The following LUZP2 variants were observed in gnomAD, a reference collection of about 807,000 sequenced individuals.
LUZP2 encodes leucine zipper protein 2.
In LUZP2, 52 loss-of-function variants were observed where a neutral mutation model predicts 51.6. The ratio of observed to expected loss-of-function variants is 1.01; its 90% CI spans 0.81 to 1.27. The LOEUF is 1.27. Among genes scored for constraint, LUZP2 ranks in the 50% most tolerant of loss-of-function variants. LUZP2 has a pLI of 0.00. For missense variants in LUZP2, 436 were observed against 395.4 expected (o/e 1.10, Z -0.87); for synonymous variants, 154 against 137.3 (o/e 1.12, Z -0.85).
intron 5 of LUZP2, among the ~76,000 whole-genome samples, chr11:24,859,433 T>C (rs1036576380): frequency 2.0e-5 from 3 of 152,200 alleles, no homozygotes; most frequent in Admixed American, 2.0e-4. Context: ...ATGTAAGACC[T>C]AAAACTATAC....
At chr11:24,638,994 A>G (rs1214812422) in intron 1 of LUZP2, among the ~76,000 whole-genome samples, 4 of 151,648 alleles carry the variant, frequency 2.6e-5, no homozygotes, top group Non-Finnish European at 5.9e-5. Context: ...AAAGAGAGAA[A>G]ATGTTCAAAA....
chr11:24,996,026 T>A (rs185453283), intron 9 of LUZP2, among the ~76,000 whole-genome samples: 19 of 148,798 alleles, frequency 1.3e-4, no homozygotes, highest in African/African-American at 4.1e-4. Flanking sequence ...GTTCTAATTA[T>A]TTTTATATAT....
rs1020778189 is a variant in LUZP2, at chr11:24,990,449, C to T, written c.765+7156C>T. ...TTAGATTTTGAACATAATCTTGTCTCACTGATGGGGAAAATATATGACTAA... is the reference window on the plus strand; with the variant it reads ...TTAGATTTTGAACATAATCTTGTCTTACTGATGGGGAAAATATATGACTAA... On this transcript the variant is annotated intron_variant, in intron 9 of 11. Transcript: ENST00000336930. 2.0e-5 allele frequency among the ~76,000 whole-genome samples: 3 copies of T among 152,074 alleles called. No homozygotes were observed. The East Asian group carries it at 5.8e-4, about 29-fold the overall frequency.
chr11:24,756,515 A>G (rs1279763816), intron 4 of LUZP2, among the ~76,000 whole-genome samples: 3 of 152,202 alleles, frequency 2.0e-5, no homozygotes, highest in African/African-American at 7.2e-5. Flanking sequence ...GTGGCCACCC[A>G]GGAATCAAAG....
intron 5 of LUZP2, among the ~76,000 whole-genome samples, chr11:24,788,405 G>A (rs1445699327): frequency 6.6e-6 from 1 of 151,572 alleles, no homozygotes; most frequent in Admixed American, 6.6e-5. Flanking sequence ...GGCCTGGCTG[G>A]TCTTGAACTC....
intron 1 of LUZP2, among the ~76,000 whole-genome samples, chr11:24,718,538 T>G (rs1475328686): frequency 1.3e-5 from 2 of 152,212 alleles, no homozygotes; most frequent in African/African-American, 4.8e-5. Flanking sequence ...CATTATCGCA[T>G]TTTTGGAGAC....
chr11:24,752,672 T>C (rs1298114598), intron 4 of LUZP2, among the ~76,000 whole-genome samples: 3 of 125,606 alleles, frequency 2.4e-5, no homozygotes, highest in Non-Finnish European at 3.3e-5. Flanking sequence ...AGAACAAAAT[T>C]AGAATGTGTA....
At chr11:24,700,143 C>A (rs999828553) in intron 1 of LUZP2, among the ~76,000 whole-genome samples, 32 of 145,712 alleles carry the variant, frequency 2.2e-4, no homozygotes, top group African/African-American at 8.1e-4. Context: ...CTCACTGCAA[C>A]CTCTGCCTCC....
intron 5 of LUZP2, among the ~76,000 whole-genome samples, chr11:24,810,242 T>C (rs1849979479): frequency 6.6e-6 from 1 of 152,172 alleles, no homozygotes; most frequent in Admixed American, 6.5e-5. Context: ...CACACACAGG[T>C]AAATTTTATA....
At chr11:24,963,424 C>T (rs980280408) in intron 7 of LUZP2, among the ~76,000 whole-genome samples, 56 of 152,300 alleles carry the variant, frequency 3.7e-4, no homozygotes, top group Admixed American at 1.8e-3. Flanking sequence ...CCACCCAGTT[C>T]GAGCTTCCCG....
At chr11:24,632,470 G>A (rs1405156184) in intron 1 of LUZP2, among the ~76,000 whole-genome samples, 1 of 151,974 alleles carries the variant, frequency 6.6e-6, no homozygotes, top group Non-Finnish European at 1.5e-5. Flanking sequence ...ATTACAATCA[G>A]TGCACTGCAA....
At chr11:24,757,216 C>A (rs914746351) in intron 4 of LUZP2, among the ~76,000 whole-genome samples, 1 of 151,910 alleles carries the variant, frequency 6.6e-6, no homozygotes, top group South Asian at 2.1e-4. Context: ...TATTTCTTTA[C>A]CACACCCAGT....
chr11:25,002,589 C>A (rs1214811981), intron 9 of LUZP2, among the ~76,000 whole-genome samples: 2 of 152,110 alleles, frequency 1.3e-5, no homozygotes, highest in East Asian at 1.9e-4. Flanking sequence ...ATTTTGGTAG[C>A]CTCTGACACT....
chr11:24,718,760 T>A lies in LUZP2; in HGVS notation c.63-10409T>A, dbSNP rs563474084. Among the ~76,000 whole-genome samples the A allele has an allele frequency of 2.6e-5, 4 of 152,282 alleles. No individual in the cohort carries two copies. The East Asian group carries it at 7.7e-4, about 29-fold the overall frequency. ...AATACAGAAAACCTTGACAGAAGACTAAGGATTGAAGAGACTGACTTGATG... is the reference window on the plus strand; with the variant it reads ...AATACAGAAAACCTTGACAGAAGACAAAGGATTGAAGAGACTGACTTGATG... On this transcript the variant is annotated intron_variant, in intron 1 of 11. Coordinates refer to ENST00000336930, the MANE Select transcript of LUZP2 (RefSeq NM_001009909.4).
At chr11:25,076,640 A>G (rs1859309639) in intron 10 of LUZP2, among the ~76,000 whole-genome samples, 1 of 140,314 alleles carries the variant, frequency 7.1e-6, no homozygotes, top group African/African-American at 2.7e-5. Flanking sequence ...GGAAGGGAAA[A>G]AGAGGGAAGG....
chr11:24,694,221 C>A (rs112520508), intron 1 of LUZP2, among the ~76,000 whole-genome samples: 2 of 151,976 alleles, frequency 1.3e-5, no homozygotes, highest in Non-Finnish European at 2.9e-5. Context: ...CCATGTAGAT[C>A]TCTTTGATAT....
At chr11:24,595,986 G>A (rs1321091888) in intron 1 of LUZP2, among the ~76,000 whole-genome samples, 1 of 152,164 alleles carries the variant, frequency 6.6e-6, no homozygotes, top group African/African-American at 2.4e-5. Context: ...CAAGTTCCAT[G>A]TGCATATGGA....
In LUZP2 at chr11:24,899,287, G is replaced by T. The variant is rs551493191; in HGVS notation, c.397-6704G>T. On this transcript the variant is annotated intron_variant, in intron 5 of 11. Coordinates refer to ENST00000336930, the MANE Select transcript of LUZP2 (RefSeq NM_001009909.4). The stretch of plus-strand genomic sequence containing the variant: ...GCGTGTGATTTAGTAATTATGTATG[G>T]CAGAGTGTGATCTTTTGTTTCAAAT... Among the ~76,000 whole-genome samples the T allele has an allele frequency of 1.7e-3, 264 of 151,860 alleles. 3 individuals carry two copies. The highest frequency in any genetic ancestry group is 6.2e-3 in the African/African-American group (256 of 41,444).
chr11:24,619,462 A>G (rs568903188), intron 1 of LUZP2, among the ~76,000 whole-genome samples: 1 of 152,324 alleles, frequency 6.6e-6, no homozygotes, highest in East Asian at 1.9e-4. Flanking sequence ...AGTGCCATAT[A>G]CTTGAAAGAC....
Sources: allele counts gnomAD v4.1 joint callset (sites outside exome capture counted in the v4.1 genomes callset), GRCh38; gene constraint gnomAD v4.1.1; transcripts MANE v1.5; gene names NCBI Gene and HGNC (gene_info 2026-07-23, HGNC 2026-07-21).